CPED1: variants seen among roughly 807,000 people sequenced by gnomAD.
CPED1 encodes the protein cadherin-like and PC-esterase domain-containing protein 1.
CPED1 carries 114 observed loss-of-function variants against 128.2 expected under a neutral mutation model. That is an observed-to-expected ratio of 0.89 (90% CI 0.76 to 1.04). The LOEUF is 1.04. Ranked by LOEUF, CPED1 falls within the 50% of genes least tolerant of loss-of-function variation. The pLI is 0.00. For synonymous variants in CPED1, 462 were observed against 426.7 expected (o/e 1.08, Z -1.02); for missense variants, 1,211 against 1,207.1 (o/e 1.00, Z -0.05).
chr7:121,207,236 G>A (rs866569139), intron 16 of CPED1, among the ~76,000 whole-genome samples: 1 of 151,540 alleles, frequency 6.6e-6, no homozygotes, highest in African/African-American at 2.4e-5. Flanking sequence ...TTGTATTCTT[G>A]TACTCATTTC....
chr7:121,044,010 A>G (rs1440868848), intron 3 of CPED1, among the ~76,000 whole-genome samples: 1 of 152,094 alleles, frequency 6.6e-6, no homozygotes, highest in Admixed American at 6.6e-5. Context: ...AGTAATTTGT[A>G]ATTGTGCTGA....
At chr7:121,121,362 T>A (rs1028617457) in intron 7 of CPED1, among the ~76,000 whole-genome samples, 1 of 152,192 alleles carries the variant, frequency 6.6e-6, no homozygotes, top group Non-Finnish European at 1.5e-5. Flanking sequence ...CCTTACTAGT[T>A]ATTGCTTGAA....
chr7:121,251,444 T>C (rs1302936964), intron 18 of CPED1, among the ~76,000 whole-genome samples: 3 of 152,150 alleles, frequency 2.0e-5, no homozygotes, highest in African/African-American at 7.2e-5. Flanking sequence ...CTATTCAACA[T>C]AGTGTTGGAA....
chr7:121,013,566 A>G (rs1427080579), intron 2 of CPED1, among the ~76,000 whole-genome samples: 2 of 152,208 alleles, frequency 1.3e-5, no homozygotes, highest in African/African-American at 4.8e-5. Flanking sequence ...CGCCTCCTAC[A>G]TAGCAGGCAT....
chr7:121,183,899 C>T (rs1796948326), intron 16 of CPED1, among the ~76,000 whole-genome samples: 1 of 152,000 alleles, frequency 6.6e-6, no homozygotes, highest in South Asian at 2.1e-4. Flanking sequence ...CTTCACTTTG[C>T]AAGGCTGAGG....
chr7:121,194,105 G>A (rs981838973), intron 16 of CPED1, among the ~76,000 whole-genome samples: 3 of 136,842 alleles, frequency 2.2e-5, no homozygotes, highest in African/African-American at 8.3e-5. Context: ...CTATAGTGCA[G>A]TGGTCTATCT....
At chr7:121,165,216 T>A (rs779791353) in intron 16 of CPED1, among the ~76,000 whole-genome samples, 3 of 152,150 alleles carry the variant, frequency 2.0e-5, no homozygotes, top group African/African-American at 4.8e-5. Flanking sequence ...AAGTAGGATA[T>A]GTTGGATATA....
chr7:121,191,648 G>A (rs1797144244), intron 16 of CPED1, among the ~76,000 whole-genome samples: 1 of 152,094 alleles, frequency 6.6e-6, no homozygotes, highest in East Asian at 1.9e-4. Flanking sequence ...GTTATTGGTT[G>A]CATGCCTCTG....
intron 7 of CPED1, among the ~76,000 whole-genome samples, chr7:121,116,970 A>C (rs1476793644): frequency 7.0e-6 from 1 of 142,412 alleles, no homozygotes; most frequent in African/African-American, 2.6e-5. Flanking sequence ...CTCTATATAT[A>C]TATATATACA....
At chr7:121,142,182 T>C in intron 16 of CPED1, 41 bp downstream of exon 16, 2 of 1,528,284 alleles carry the variant, frequency 1.3e-6, no homozygotes, top group Middle Eastern at 1.8e-4. Flanking sequence ...GAATTGGGAA[T>C]GATCTGTTAA....
intron 5 of CPED1, among the ~76,000 whole-genome samples, chr7:121,093,397 T>TATACACACACACAC (rs1554433495): frequency 0.017 from 2,519 of 145,560 alleles, 30 homozygotes; most frequent in Middle Eastern, 0.052. Flanking sequence ...CCTTTTTCTG[T>TATACACACACACAC]ACACACACAC....
At position 121,079,794 on chromosome 7, in the gene CPED1, G is replaced by A. The variant is rs536985833; in HGVS notation, c.616+15481G>A. 9.2e-5 allele frequency among the ~76,000 whole-genome samples: 14 copies of A among 152,286 alleles called. No individual in the cohort carries two copies. In the South Asian group the frequency reaches 2.5e-3, roughly 27 times the overall value. On this transcript the variant is annotated intron_variant, in intron 5 of 22. Coordinates refer to ENST00000310396, the MANE Select transcript of CPED1 (RefSeq NM_024913.5). The stretch of plus-strand genomic sequence containing the variant: ...TGATTTGGGAAATTTTATGTTTCTG[G>A]TGTTTGACTTCTATACTTATGTTGT...
intron 18 of CPED1, among the ~76,000 whole-genome samples, chr7:121,252,223 C>G (rs1445642389): frequency 1.3e-5 from 2 of 151,504 alleles, no homozygotes; most frequent in Non-Finnish European, 3.0e-5. Context: ...AAAGGATTCC[C>G]TATTTAATAA....
chr7:121,150,872 G>A (rs561321598), intron 16 of CPED1, among the ~76,000 whole-genome samples: 4 of 152,010 alleles, frequency 2.6e-5, no homozygotes, highest in South Asian at 2.1e-4. Flanking sequence ...GGGGTCAAGC[G>A]ATTCTCCTGC....
At chr7:121,187,473 T>C (rs1412866226) in intron 16 of CPED1, among the ~76,000 whole-genome samples, 1 of 152,098 alleles carries the variant, frequency 6.6e-6, no homozygotes, top group Non-Finnish European at 1.5e-5. Flanking sequence ...ATGAAGAGGA[T>C]GGACAGGTAG....
intron 5 of CPED1, among the ~76,000 whole-genome samples, chr7:121,081,953 A>T (rs1035195005): frequency 5.3e-5 from 8 of 152,146 alleles, no homozygotes; most frequent in African/African-American, 1.7e-4. Context: ...GGGCCTTTTC[A>T]TGGCGCATTT....
chr7:121,087,665 CTGTTTT>C (rs1260916519), intron 5 of CPED1, among the ~76,000 whole-genome samples: 1 of 131,572 alleles, frequency 7.6e-6, no homozygotes, highest in East Asian at 2.0e-4. Flanking sequence ...CTTTTCTTTC[CTGTTTT>C]TTTTTTTTTG....
intron 12 of CPED1, among the ~76,000 whole-genome samples, chr7:121,132,276 C>A (rs1442391572): frequency 1.3e-5 from 2 of 151,898 alleles, no homozygotes; most frequent in Non-Finnish European, 2.9e-5. Context: ...GAACTAGGAC[C>A]CTAGCCTTCT....
intron 5 of CPED1, among the ~76,000 whole-genome samples, chr7:121,097,078 T>C (rs549461940): frequency 6.6e-6 from 1 of 152,274 alleles, no homozygotes; most frequent in South Asian, 2.1e-4. Flanking sequence ...TTTGATTGCT[T>C]TCTGTAATAT....
Sources: gnomAD v4.1 joint callset for allele counts (sites outside exome capture counted in the v4.1 genomes callset) on GRCh38, gnomAD v4.1.1 for gene constraint, MANE v1.5 for transcripts, NCBI Gene and HGNC (gene_info 2026-07-23, HGNC 2026-07-21) for gene names.